Variants in USP5 observed in about 807,000 individuals in gnomAD.
USP5 encodes the protein ubiquitin specific peptidase 5.
In USP5, 24 loss-of-function variants were observed where a neutral mutation model predicts 102.5. That is an observed-to-expected ratio of 0.23 (90% confidence interval 0.17 to 0.33). The LOEUF (loss-of-function observed/expected upper bound fraction) is 0.33, where lower values mean the gene tolerates loss of function less well. USP5 is among the 10% of genes least tolerant of loss of function. The pLI, the probability that USP5 is intolerant of heterozygous loss-of-function variation, is 1.00. For synonymous variants in USP5, 460 were observed against 434.8 expected (o/e 1.06, Z -0.72); for missense variants, 753 against 1,122.1 (o/e 0.67, Z 4.70).
intron 9 of USP5, 92 bp downstream of exon 9, chr12:6,859,633 AC>A (rs1565531648): frequency 1.6e-6 from 2 of 1,260,244 alleles, no homozygotes; most frequent in Non-Finnish European, 1.2e-6. Flanking sequence ...CAGCACTTTA[AC>A]CCCTGGCCTT....
Position 6,852,224 on chromosome 12 carries a change from G to C in USP5, c.45G>C (p.Thr15=), listed in dbSNP as rs1555127005. The C allele has an allele frequency of 6.2e-7, 1 of 1,613,296 alleles. No homozygotes were observed. The highest frequency in any genetic ancestry group is 1.1e-5 in the South Asian group (1 of 90,746). ...AGGCGCTGCTGTCAGTATTACCGAC[G>C]ATCCGGGTCCCTAAGGCTGGAGACC... is the stretch of plus-strand genomic sequence containing the variant. The part of the protein sequence containing the change: ...SEEALLSVLP[T]IRVPKAGDRV... The change falls in exon 1 of 20, where the codon ACG becomes ACC. Residue 15 remains threonine (T), a synonymous_variant. Coordinates refer to ENST00000229268, the MANE Select transcript of USP5 (RefSeq NM_001098536.2).
chr12:6,855,609 C>T lies in USP5; in HGVS notation c.237+83C>T, dbSNP rs189935596. The T allele has an allele frequency of 3.1e-6, 5 of 1,587,322 alleles. No homozygotes were observed. The African/African-American group carries it at 6.8e-5, about 22-fold the overall frequency. ...ATTGGACTCAGTTTCTTTTTTTCAC[C>T]TACTTTTGTGTCATTAAAGCTTGGC... is the stretch of plus-strand genomic sequence containing the variant. On this transcript the variant is annotated intron_variant, in intron 2 of 19. Transcript: ENST00000229268. The surrounding 1 kb of genome is among the most constrained non-coding windows in gnomAD (Gnocchi z 4.6).
Position 6,855,562 on chromosome 12 carries a change from G to T in USP5, c.237+36G>T, listed in dbSNP as rs115666159. On this transcript the variant is annotated intron_variant, in intron 2 of 19. Coordinates refer to ENST00000229268, the MANE Select transcript of USP5 (RefSeq NM_001098536.2). This position sits in a 1 kb window ranked among gnomAD's most constrained non-coding sequence, Gnocchi z 4.6. ...GGCTGGGGCAAGGCCTGGGTACATT[G>T]TCTGTTCCATTCTGACCTCCTATTG... 1,892 of 1,611,954 alleles carry T rather than the reference G, an allele frequency of 1.2e-3. 18 individuals are homozygous for T. In the African/African-American group the frequency reaches 0.022, roughly 18 times the overall value.
In USP5 at chr12:6,860,502, G is replaced by A; in HGVS notation, c.1344+11G>A. 1 of 1,613,364 alleles carries A rather than the reference G, an allele frequency of 6.2e-7. No individual in the cohort carries two copies. Among genetic ancestry groups the A allele is most frequent in the Non-Finnish European group, 8.5e-7 (1 of 1,179,964 alleles). ...ATCAACATGGTGGAGGTAAGGGCTG[G>A]CAAGATGGCACACCCCCATCTTCCT... is the stretch of plus-strand genomic sequence containing the variant. On this transcript the variant is annotated intron_variant, in intron 11 of 19. Coordinates refer to ENST00000229268, the MANE Select transcript of USP5 (RefSeq NM_001098536.2). This position sits in a 1 kb window ranked among gnomAD's most constrained non-coding sequence, Gnocchi z 5.5.
chr12:6,857,839 A>G (rs1421359978), intron 7 of USP5, 116 bp downstream of exon 7: 1 of 916,650 alleles, frequency 1.1e-6, no homozygotes, highest in South Asian at 1.5e-5. Flanking sequence ...CCCATCCCCA[A>G]GATACACAGG....
Position 6,864,845 on chromosome 12 carries a change from G to A in USP5, c.2368G>A (p.Val790Met). Residue 790 changes from valine to methionine, a missense_variant, in exon 18 of 20, where the codon GTG (valine) becomes ATG (methionine). Around this residue, in one of 3 missense-constraint regions of USP5, gnomAD observed 193 missense variants for 230.2 expected, o/e 0.84. Transcript: ENST00000229268. This position sits in a 1 kb window ranked among gnomAD's most constrained non-coding sequence, Gnocchi z 4.8. ...CGACTCCATCTCTGAGTCTGTGCCA[G>A]TGGGACCTAAAGTCCGGGATGGTCC... ...AADSISESVP[V>M]GPKVRDGPGK... The A allele has an allele frequency of 1.2e-6, 2 of 1,613,916 alleles. No individual in the cohort carries two copies. Among genetic ancestry groups the A allele is most frequent in the South Asian group, 2.2e-5 (2 of 91,080 alleles).
intron 19 of USP5, 52 bp downstream of exon 19, chr12:6,865,300 AG>A: frequency 6.5e-7 from 1 of 1,542,556 alleles, no homozygotes. Context: ...GGGAATGAGG[AG>A]GGCCATTTGG....
chr12:6,859,186 T>C (rs1944202659), intron 8 of USP5, among the ~76,000 whole-genome samples: 2 of 152,204 alleles, frequency 1.3e-5, no homozygotes, highest in African/African-American at 4.8e-5. Context: ...GCTCAGAACA[T>C]GTCAACAGGT....
At position 6,861,429 on chromosome 12, in the gene USP5, C is replaced by T; in HGVS notation, c.1499-14C>T. The T allele has an allele frequency of 1.3e-6, 2 of 1,554,402 alleles. No individual in the cohort carries two copies. Among genetic ancestry groups the T allele is most frequent in the East Asian group, 2.3e-5 (1 of 43,858 alleles). ...GCACCCTCCGAAGGATCCACCAACC[C>T]ATTCTGTCACCAGAGGAGCTTCTGG... On this transcript the variant is annotated splice_polypyrimidine_tract_variant and intron_variant, in intron 12 of 19. Transcript: ENST00000229268. The surrounding 1 kb of genome is among the most constrained non-coding windows in gnomAD (Gnocchi z 4.9).
intron 18 of USP5, 102 bp from the exon 19 acceptor site, chr12:6,865,062 T>A: frequency 7.6e-7 from 1 of 1,314,226 alleles, no homozygotes; most frequent in South Asian, 1.3e-5. Flanking sequence ...TCACATTCCC[T>A]GAAACTCCTG....
In USP5 at chr12:6,859,521, C is replaced by T. The variant is rs141872219; in HGVS notation, c.1110C>T (p.Thr370=). ...TCCAGAATGCCCCGACGGACCCTAC[C>T]CAGGATTTCAGCACCCAGGTGTATG... The part of the protein sequence containing the change: ...KIFQNAPTDP[T]QDFSTQVAKL... The change falls in exon 9 of 20, where the codon ACC becomes ACT. Residue 370 remains threonine (T), a synonymous_variant. Coordinates refer to ENST00000229268, the MANE Select transcript of USP5 (RefSeq NM_001098536.2). The T allele has an allele frequency of 1.2e-6, 2 of 1,614,194 alleles. No individual in the cohort carries two copies. The highest frequency in any genetic ancestry group is 2.2e-5 in the South Asian group (2 of 91,084).
intron 9 of USP5, among the ~76,000 whole-genome samples, 164 bp downstream of exon 9, chr12:6,859,705 T>G (rs911667681): frequency 6.6e-6 from 1 of 152,170 alleles, no homozygotes; most frequent in Non-Finnish European, 1.5e-5. Context: ...CAGGCTGGAG[T>G]GCAGTGGCGC....
At chr12:6,862,847 AC>A (rs1944318444) in intron 14 of USP5, among the ~76,000 whole-genome samples, 1 of 152,232 alleles carries the variant, frequency 6.6e-6, no homozygotes, top group Non-Finnish European at 1.5e-5. Context: ...CGTGAGTCTT[AC>A]AGGTCCCTGA....
Position 6,860,009 on chromosome 12 carries a change from C to G in USP5, c.1131-142C>G. ...ACTGTCTTCTGGACGTGTTGTCTGT[C>G]TTGAGCTGGGTTCCTGTAGAATCTA... On this transcript the variant is annotated intron_variant, in intron 9 of 19. Coordinates refer to ENST00000229268, the MANE Select transcript of USP5 (RefSeq NM_001098536.2). This position sits in a 1 kb window ranked among gnomAD's most constrained non-coding sequence, Gnocchi z 5.5. The G allele has an allele frequency of 1.1e-6, 1 of 893,302 alleles. No homozygotes were observed. The allele number at this position is 893,302 out of a possible 1,614,324, so 55.3% of individuals were successfully genotyped here.
intron 1 of USP5, among the ~76,000 whole-genome samples, chr12:6,854,812 G>A (rs1296934069): frequency 6.6e-6 from 1 of 151,790 alleles, no homozygotes; most frequent in South Asian, 2.1e-4. Context: ...TGGCACACTC[G>A]GGTCAGATAT....
chr12:6,853,627 C>T (rs782489900), intron 1 of USP5, among the ~76,000 whole-genome samples: 31 of 152,332 alleles, frequency 2.0e-4, no homozygotes, highest in Admixed American at 1.8e-3. Context: ...TTATTCACTC[C>T]TGTCTCTCTC....
chr12:6,857,111 C>T (rs1317781322), intron 6 of USP5, among the ~76,000 whole-genome samples: 3 of 151,892 alleles, frequency 2.0e-5, no homozygotes, highest in African/African-American at 4.8e-5. Context: ...CATAGTGAGA[C>T]CTCATCTCTC....
Position 6,866,172 on chromosome 12 carries a change from A to T in USP5, c.*95A>T. 1 of 1,187,634 alleles carries T rather than the reference A, an allele frequency of 8.4e-7. No homozygotes were observed. Among genetic ancestry groups the T allele is most frequent in the Admixed American group, 2.2e-5 (1 of 45,940 alleles). The allele number at this position is 1,187,634 out of a possible 1,614,324, so 73.6% of individuals were successfully genotyped here. On this transcript the variant is annotated 3_prime_UTR_variant, in exon 20 of 20. Coordinates refer to ENST00000229268, the MANE Select transcript of USP5 (RefSeq NM_001098536.2). This position sits in a 1 kb window ranked among gnomAD's most constrained non-coding sequence, Gnocchi z 4.7. ...ATGGACTTCAGCCCCTCTGCTCTGT[A>T]CCCTTTTTCCTTTTGTCCCCGGCAG... is the stretch of plus-strand genomic sequence containing the variant.
In USP5 at chr12:6,865,960, T is replaced by C. The variant is rs1555130781; in HGVS notation, c.2484-24T>C. Reference sequence around the variant, plus strand: ...TTTGAATGCCCAGTTTGTTCATCCTTTTCTGTTTTCCCCACTTCCCCAGAT... The same window carrying C: ...TTTGAATGCCCAGTTTGTTCATCCTCTTCTGTTTTCCCCACTTCCCCAGAT... On this transcript the variant is annotated intron_variant, in intron 19 of 19. Coordinates refer to ENST00000229268, the MANE Select transcript of USP5 (RefSeq NM_001098536.2). 3.1e-6 allele frequency: 5 copies of C among 1,608,232 alleles called. No homozygotes were observed. In the South Asian group the frequency reaches 4.4e-5, roughly 14 times the overall value.
Sources: gnomAD v4.1 joint callset for allele counts (sites outside exome capture counted in the v4.1 genomes callset) on GRCh38, gnomAD v4.1.1 for gene constraint, gnomAD v4.1.1 regional missense constraint, Gnocchi (gnomAD v3.1) non-coding constraint, MANE v1.5 for transcripts, NCBI Gene and HGNC (gene_info 2026-07-23, HGNC 2026-07-21) for gene names.